Variants in WNK1 observed in about 807,000 individuals in gnomAD.
WNK1 encodes the protein serine/threonine-protein kinase WNK1.
WNK1 carries 38 observed loss-of-function variants against 222.8 expected under a neutral mutation model. The ratio of observed to expected loss-of-function variants is 0.17; its 90% CI spans 0.13 to 0.22. The LOEUF (loss-of-function observed/expected upper bound fraction) is 0.22. Among genes scored for constraint, WNK1 ranks in the 10% least tolerant of loss-of-function variants. The pLI is 1.00. For synonymous variants in WNK1, 1,090 were observed against 1,092.9 expected (o/e 1.00, Z 0.05); for missense variants, 2,348 against 2,918.4 (o/e 0.80, Z 4.50).
At chr12:774,878 G>A (rs930031997) in intron 1 of WNK1, among the ~76,000 whole-genome samples, 2 of 151,914 alleles carry the variant, frequency 1.3e-5, no homozygotes, top group African/African-American at 4.8e-5. Context: ...CCCCTAACCA[G>A]TTTTCATAAG....
At chr12:890,388 A>C (rs1954102360) in intron 21 of WNK1, 65 bp from the exon 22 acceptor site, 1 of 1,586,040 alleles carries the variant, frequency 6.3e-7, no homozygotes. Flanking sequence ...AGGAAAGGCA[A>C]CGAGGCAAAA....
intron 2 of WNK1, among the ~76,000 whole-genome samples, chr12:818,776 A>G (rs1357183115): frequency 6.6e-6 from 1 of 152,198 alleles, no homozygotes. Context: ...GTTTTCGAGG[A>G]TCATCGTGAT....
chr12:854,889 A>C (rs974631765), intron 4 of WNK1, among the ~76,000 whole-genome samples: 1 of 152,208 alleles, frequency 6.6e-6, no homozygotes, highest in African/African-American at 2.4e-5. Context: ...GTGCTATGTA[A>C]GCAGTTGTTA....
chr12:896,059 C>CT lies in WNK1; in HGVS notation c.5584-6dup. Reference sequence around the variant, plus strand: ...AGAACTTAAGTTTTTAATCTTTGTCCTTTTTTATCAGGTTTCTGTTGCAGC... The same window carrying CT: ...AGAACTTAAGTTTTTAATCTTTGTCCTTTTTTTATCAGGTTTCTGTTGCAGC... On this transcript the variant is annotated splice_polypyrimidine_tract_variant and intron_variant, in intron 23 of 27. Coordinates refer to ENST00000315939, the MANE Select transcript of WNK1 (RefSeq NM_018979.4). 1.9e-6 allele frequency: 3 copies of CT among 1,614,066 alleles called. No homozygotes were observed. The highest frequency in any genetic ancestry group is 2.2e-5 in the East Asian group (1 of 44,880).
chr12:772,472 T>C (rs369507776), intron 1 of WNK1, among the ~76,000 whole-genome samples: 1 of 152,068 alleles, frequency 6.6e-6, no homozygotes, highest in Non-Finnish European at 1.5e-5. Context: ...TGTGTATGTA[T>C]GTATGTATGC....
At chr12:891,147 CT>C (rs1025465750) in intron 22 of WNK1, among the ~76,000 whole-genome samples, 1 of 151,086 alleles carries the variant, frequency 6.6e-6, no homozygotes, top group Non-Finnish European at 1.5e-5. Context: ...TGGAATATTT[CT>C]TTTTTTTTGA....
rs561619679 is a variant in WNK1, at chr12:849,788, A to G, written c.1312-7373A>G. Among the ~76,000 whole-genome samples the G allele has an allele frequency of 1.9e-3, 282 of 151,986 alleles. 1 individual carries two copies. Among genetic ancestry groups the G allele is most frequent in the African/African-American group, 6.6e-3 (272 of 41,422 alleles). On this transcript the variant is annotated intron_variant, in intron 4 of 27. Transcript: ENST00000315939. ...TGTGTCCATGTGTTCTCATTGTTCA[A>G]TTCCCACCTATGAGTGAGAACATGT...
chr12:885,272 A>G lies in WNK1; in HGVS notation c.4468A>G (p.Thr1490Ala). The G allele has an allele frequency of 1.2e-6, 2 of 1,614,194 alleles. No homozygotes were observed. The highest frequency in any genetic ancestry group is 1.7e-6 in the Non-Finnish European group (2 of 1,180,032). Residue 1490 changes from threonine (T) to alanine (A), a missense_variant, in exon 19 of 28, where the codon ACA (threonine) becomes GCA (alanine). Thr to Ala is a moderately conservative substitution (Grantham distance 58, BLOSUM62 0). This residue lies in a region of WNK1 where 1,144 missense variants were observed against 1,273.6 expected (regional missense o/e 0.90). Transcript: ENST00000315939. ...CAGCACTACTGTGGGAGCCACATTAACATCAGTTTCTACCACCACTTCATT... is the reference window on the plus strand; with the variant it reads ...CAGCACTACTGTGGGAGCCACATTAGCATCAGTTTCTACCACCACTTCATT... ...AGSTTVGATL[T>A]SVSTTTSFPS...
chr12:861,747 C>T (rs1447056908), intron 7 of WNK1, among the ~76,000 whole-genome samples: 3 of 152,128 alleles, frequency 2.0e-5, no homozygotes, highest in Non-Finnish European at 4.4e-5. Context: ...AATGAGAACA[C>T]TGGTTATTAA....
chr12:908,266 C>T, intron 27 of WNK1: 2 of 748,794 alleles, frequency 2.7e-6, no homozygotes, highest in South Asian at 3.5e-5. Context: ...TCATCCTCAA[C>T]TACACACACA....
At chr12:793,250 T>C (rs1253132371) in intron 1 of WNK1, among the ~76,000 whole-genome samples, 1 of 152,220 alleles carries the variant, frequency 6.6e-6, no homozygotes, top group Non-Finnish European at 1.5e-5. Flanking sequence ...TCTGTAGTTT[T>C]TAGAATCATT....
At chr12:890,424 T>G (rs1388200024) in intron 21 of WNK1, 29 bp from the exon 22 acceptor site, 1 of 1,613,936 alleles carries the variant, frequency 6.2e-7, no homozygotes, top group African/African-American at 1.3e-5. Context: ...GCTAAAGATT[T>G]GTGGTGTCTG....
Position 896,418 on chromosome 12 carries a change from A to G in WNK1, c.5931A>G (p.Ala1977=). ...ITDTKKEGPV[A]SPPFMDLEQA... ...ACACAAAGAAAGAAGGACCAGTGGC[A>G]TCTCCTCCTTTTATGGATTTGGAAC... Residue 1977 remains alanine, a synonymous_variant, in exon 24 of 28, where the codon GCA becomes GCG. Transcript: ENST00000315939. The G allele has an allele frequency of 6.2e-7, 1 of 1,614,152 alleles. No homozygotes were observed.
chr12:761,834 A>G (rs977214324), intron 1 of WNK1, among the ~76,000 whole-genome samples: 3 of 147,272 alleles, frequency 2.0e-5, no homozygotes, highest in African/African-American at 4.9e-5. Flanking sequence ...TCTCTTTAAC[A>G]TGCTAAAGAG....
At chr12:899,078 A>C (rs776201349) in intron 25 of WNK1, among the ~76,000 whole-genome samples, 8 of 152,304 alleles carry the variant, frequency 5.3e-5, no homozygotes, top group Middle Eastern at 3.4e-3. Flanking sequence ...GAGAGTTTCT[A>C]ATCCTTTGGT....
intron 2 of WNK1, among the ~76,000 whole-genome samples, chr12:816,460 T>TC (rs397714892): frequency 6.6e-6 from 1 of 151,712 alleles, no homozygotes; most frequent in East Asian, 1.9e-4. Flanking sequence ...TTTTTTTTTT[T>TC]AGTAGAGACA....
intron 20 of WNK1, among the ~76,000 whole-genome samples, chr12:888,734 C>A (rs1953915967): frequency 6.6e-6 from 1 of 152,058 alleles, no homozygotes; most frequent in African/African-American, 2.4e-5. Flanking sequence ...GGGCACCTTC[C>A]CAGAAAGATG....
At chr12:900,275 A>G (rs1955145566) in intron 25 of WNK1, among the ~76,000 whole-genome samples, 1 of 152,296 alleles carries the variant, frequency 6.6e-6, no homozygotes, top group African/African-American at 2.4e-5. Flanking sequence ...GGCGTGAGCC[A>G]CAACACCCAG....
chr12:864,110 G>GTTTTTTTT (rs372936466), intron 8 of WNK1, among the ~76,000 whole-genome samples: 7 of 124,566 alleles, frequency 5.6e-5, no homozygotes, highest in African/African-American at 1.5e-4. Context: ...ATTTTTTTAA[G>GTTTTTTTT]TTTTTTTTTT....
Sources: allele counts gnomAD v4.1 joint callset (sites outside exome capture counted in the v4.1 genomes callset), GRCh38; gene constraint gnomAD v4.1.1; regional missense constraint gnomAD v4.1.1; transcripts MANE v1.5; gene names NCBI Gene and HGNC (gene_info 2026-07-23, HGNC 2026-07-21).